CFAP97: variants seen among roughly 807,000 people sequenced by gnomAD.
CFAP97 encodes the protein cilia and flagella associated protein 97.
A neutral mutation model predicts 43.1 loss-of-function variants in CFAP97; 36 were observed. That is an observed-to-expected ratio of 0.84 (90% CI 0.64 to 1.10). CFAP97 has a LOEUF of 1.10. CFAP97 is among the 50% of genes least tolerant of loss of function. The pLI is 0.00. For missense variants in CFAP97, 657 were observed against 620.3 expected, an observed-to-expected ratio of 1.06 and a Z score of -0.63; for synonymous variants, 228 against 225.7, an observed-to-expected ratio of 1.01 and a Z score of -0.09.
chr4:185,161,831 C>A lies in CFAP97; in HGVS notation c.*967G>T, dbSNP rs1199894859. The A allele has an allele frequency of 1.3e-5, 2 of 152,158 alleles. No individual in the cohort carries two copies. The highest frequency in any genetic ancestry group is 2.1e-4 in the South Asian group (1 of 4,830). 9.4% of individuals were successfully genotyped at this position (152,158 alleles called of 1,614,324 possible). A position where few individuals can be genotyped will look rare whatever the true frequency, so the allele number is the denominator to read the frequency against. ...TTGTTCAAATTTTAGTTTTTTCAGG[C>A]CTTATAAATACTTGCTGGAATTTCT... On this transcript the variant is annotated 3_prime_UTR_variant, in exon 5 of 5. Transcript: ENST00000458385.
intron 1 of CFAP97, among the ~76,000 whole-genome samples, chr4:185,202,539 T>G (rs1736904514): frequency 6.8e-6 from 1 of 146,208 alleles, no homozygotes; most frequent in African/African-American, 2.6e-5. Context: ...CAGAGTGAGA[T>G]CCTATCTCAA....
intron 3 of CFAP97, among the ~76,000 whole-genome samples, chr4:185,174,204 C>T (rs945887562): frequency 6.6e-6 from 1 of 151,474 alleles, no homozygotes; most frequent in Non-Finnish European, 1.5e-5. Context: ...ATGCGATCGG[C>T]CCAGAGCCAG....
intron 2 of CFAP97, among the ~76,000 whole-genome samples, chr4:185,181,320 CTTTTTTTT>C (rs778362979): frequency 2.3e-4 from 23 of 99,184 alleles, no homozygotes; most frequent in African/African-American, 8.2e-4. Context: ...CATAATCATA[CTTTTTTTT>C]TTTTTTTTTT....
rs777242941 is a variant in CFAP97, at chr4:185,175,944, C to T, written c.1162G>A (p.Asp388Asn). ...TTCAAAAGCCTCTGATTTTCCCGAT[C>T]GATCTGTCTCACCTCTTCTCTTGTG... is the stretch of plus-strand genomic sequence containing the variant. The part of the protein sequence containing the change: ...SFTREEVRQI[D>N]RENQRLLKEL... The change falls in exon 3 of 5, where the codon GAT becomes AAT. Residue 388 changes from aspartate (D) to asparagine (N), a missense_variant. Asp to Asn is a conservative substitution (Grantham distance 23, BLOSUM62 1). Transcript: ENST00000458385. The T allele has an allele frequency of 7.4e-6, 12 of 1,613,720 alleles. No individual in the cohort carries two copies. The highest frequency in any genetic ancestry group is 1.7e-5 in the Admixed American group (1 of 59,966).
chr4:185,210,248 C>A (rs1579290070), upstream of CFAP97: 8 of 984,992 alleles, frequency 8.1e-6, no homozygotes, highest in Non-Finnish European at 9.6e-6. This position sits in a 1 kb window ranked among gnomAD's most constrained non-coding sequence, Gnocchi z 4.4. Flanking sequence ...GCCCGCCGCC[C>A]GCCGGGGGTA....
chr4:185,194,431 G>GTGAGCTGAGAT (rs1491126695), intron 1 of CFAP97, among the ~76,000 whole-genome samples: 1 of 152,238 alleles, frequency 6.6e-6, no homozygotes, highest in Non-Finnish European at 1.5e-5. Context: ...AGAAGTTGCA[G>GTGAGCTGAGAT]TGAGCTGAGA....
At chr4:185,195,424 A>G (rs958414437) in intron 1 of CFAP97, among the ~76,000 whole-genome samples, 1 of 152,202 alleles carries the variant, frequency 6.6e-6, no homozygotes, top group African/African-American at 2.4e-5. Context: ...TTGATAATGC[A>G]ATGAGTCATC....
chr4:185,190,657 T>G lies in CFAP97; in HGVS notation c.540A>C (p.Ser180=). ...AACAATCTGTACCTGAACCTGAAGA[T>G]GAGGAAGATAAAGAGGAGGAGGAAG... is the stretch of plus-strand genomic sequence containing the variant. The part of the protein sequence containing the change: ...SSSSSSSLSS[S]SSGSGTDCLD... Residue 180 remains serine (S), a synonymous_variant, in exon 2 of 5, where the codon TCA becomes TCC. Coordinates refer to ENST00000458385, the MANE Select transcript of CFAP97 (RefSeq NM_020827.3). 1 of 1,582,876 alleles carries G rather than the reference T, an allele frequency of 6.3e-7. No individual in the cohort carries two copies. The highest frequency in any genetic ancestry group is 2.3e-5 in the East Asian group (1 of 44,002).
upstream of CFAP97, among the ~76,000 whole-genome samples, chr4:185,205,239 CT>C (rs1444396918): frequency 1.3e-5 from 2 of 152,142 alleles, no homozygotes; most frequent in African/African-American, 4.8e-5. Flanking sequence ...GTGGGGCCCC[CT>C]GAGAGGAGTT....
chr4:185,184,895 T>A (rs2111370922), intron 2 of CFAP97, among the ~76,000 whole-genome samples: 1 of 152,372 alleles, frequency 6.6e-6, no homozygotes, highest in South Asian at 2.1e-4. Flanking sequence ...GCTCGTTTTT[T>A]AATCCTCTTT....
chr4:185,183,426 T>C (rs1336693507), intron 2 of CFAP97, among the ~76,000 whole-genome samples: 3 of 152,190 alleles, frequency 2.0e-5, no homozygotes, highest in African/African-American at 7.2e-5. Flanking sequence ...AGAAATTAGG[T>C]AAGCCAAAGC....
chr4:185,166,259 G>A (rs1442287356), intron 3 of CFAP97, among the ~76,000 whole-genome samples: 2 of 152,134 alleles, frequency 1.3e-5, no homozygotes, highest in Admixed American at 1.3e-4. Context: ...GCAGTGTGAT[G>A]TAGGTGTCCA....
intron 1 of CFAP97, among the ~76,000 whole-genome samples, chr4:185,192,277 T>A (rs942981334): frequency 1.3e-5 from 2 of 151,870 alleles, no homozygotes; most frequent in African/African-American, 4.8e-5. Context: ...AGGGGAAGAG[T>A]ATATATGTCT....
chr4:185,177,591 C>T (rs1735603213), intron 2 of CFAP97, among the ~76,000 whole-genome samples: 1 of 152,082 alleles, frequency 6.6e-6, no homozygotes. Flanking sequence ...TCCCAGCACT[C>T]TGGAAGGCAG....
At chr4:185,169,875 C>G (rs572882845) in intron 3 of CFAP97, 2 of 986,142 alleles carry the variant, frequency 2.0e-6, no homozygotes, top group Non-Finnish European at 2.4e-6. Context: ...GATAACAGAC[C>G]TTAACCAGAC....
rs1281686303 is a variant in CFAP97, at chr4:185,161,675, G to A, written c.*1123C>T. 1 of 152,094 alleles carries A rather than the reference G, an allele frequency of 6.6e-6. No homozygotes were observed. The highest frequency in any genetic ancestry group is 2.4e-5 in the African/African-American group (1 of 41,410). The allele number at this position is 152,094 out of a possible 1,614,324, so 9.4% of individuals were successfully genotyped here. A position where few individuals can be genotyped will look rare whatever the true frequency, so the allele number is the denominator to read the frequency against. On this transcript the variant is annotated 3_prime_UTR_variant, in exon 5 of 5. Transcript: ENST00000458385. ...TTACCAATTCCATCAAGATTACTAG[G>A]TCTTTAAATGTGGGACTGGTAAAAA...
intron 1 of CFAP97, among the ~76,000 whole-genome samples, chr4:185,195,231 G>A (rs553210061): frequency 1.4e-4 from 22 of 152,322 alleles, no homozygotes; most frequent in African/African-American, 5.1e-4. Flanking sequence ...GCTCATGACT[G>A]TAATCTCAGC....
intron 2 of CFAP97, among the ~76,000 whole-genome samples, chr4:185,189,264 T>C (rs1736130416): frequency 6.6e-6 from 1 of 152,074 alleles, no homozygotes; most frequent in Admixed American, 6.6e-5. Flanking sequence ...CCTACAAAAG[T>C]GGCAACATCA....
At chr4:185,177,451 A>G (rs1560861047) in intron 2 of CFAP97, among the ~76,000 whole-genome samples, 1 of 152,086 alleles carries the variant, frequency 6.6e-6, no homozygotes, top group African/African-American at 2.4e-5. Flanking sequence ...AGATTAAGTA[A>G]CCATTATTTG....
Sources: gnomAD v4.1 joint callset for allele counts (sites outside exome capture counted in the v4.1 genomes callset) on GRCh38, gnomAD v4.1.1 for gene constraint, Gnocchi (gnomAD v3.1) non-coding constraint, MANE v1.5 for transcripts, NCBI Gene and HGNC (gene_info 2026-07-23, HGNC 2026-07-21) for gene names.